Variants in WHRN observed in about 807,000 individuals in gnomAD.
WHRN encodes the protein whirlin, also known as CASK-interacting protein CIP98.
In WHRN, 41 loss-of-function variants were observed where a neutral mutation model predicts 68.3. That is an observed-to-expected ratio of 0.60 (90% CI 0.47 to 0.78). The LOEUF (loss-of-function observed/expected upper bound fraction) is 0.78. Ranked by LOEUF, WHRN falls within the 30% of genes least tolerant of loss-of-function variation. WHRN has a pLI of 0.00. For synonymous variants in WHRN, 560 were observed against 561.3 expected (o/e 1.00, Z 0.03); for missense variants, 1,243 against 1,244.7 (o/e 1.00, Z 0.02).
intron 7 of WHRN, among the ~76,000 whole-genome samples, chr9:114,417,457 G>A (rs758304011): frequency 4.6e-5 from 7 of 152,214 alleles, no homozygotes; most frequent in Non-Finnish European, 5.9e-5. Context: ...GCAAGTGGCC[G>A]GGGAGTGTGT....
chr9:114,450,596 A>G (rs1839234457), intron 3 of WHRN, among the ~76,000 whole-genome samples: 1 of 152,174 alleles, frequency 6.6e-6, no homozygotes, highest in Non-Finnish European at 1.5e-5. Flanking sequence ...AAGCTAATTA[A>G]AAAAATACTT....
chr9:114,444,914 C>G (rs537131211), intron 3 of WHRN, among the ~76,000 whole-genome samples: 36 of 152,068 alleles, frequency 2.4e-4, no homozygotes, highest in Non-Finnish European at 4.7e-4. Flanking sequence ...TATTATATTC[C>G]ATGTAGACAT....
chr9:114,410,309 ACT>A (rs1564120339), intron 7 of WHRN, among the ~76,000 whole-genome samples: 3 of 152,076 alleles, frequency 2.0e-5, no homozygotes, highest in Non-Finnish European at 2.9e-5. Context: ...CTCGGTCCTC[ACT>A]CTCTCCTCAC....
chr9:114,438,867 A>T (rs1314103101), intron 3 of WHRN, among the ~76,000 whole-genome samples: 2 of 152,200 alleles, frequency 1.3e-5, no homozygotes, highest in East Asian at 3.8e-4. Context: ...ACTGAAAATA[A>T]CCTAAATGTC....
rs755306017 is a variant in WHRN, at chr9:114,402,783, G to C, written c.2695C>G (p.Leu899Val). The C allele has an allele frequency of 1.7e-5, 27 of 1,614,062 alleles. 1 individual carries two copies. The South Asian group carries it at 2.3e-4, about 14-fold the overall frequency. Residue 899 changes from leucine to valine, a missense_variant, in exon 12 of 12, where the codon CTG becomes GTG. Transcript: ENST00000362057. ...AGCATCACATTGAACTCAGTGACCAGAAAGTCAATGTAGTCACGGTCCTTA... is the reference window on the plus strand; with the variant it reads ...AGCATCACATTGAACTCAGTGACCACAAAGTCAATGTAGTCACGGTCCTTA... ...KTKDRDYIDF[L>V]VTEFNVML is the part of the protein sequence containing the mutation.
Position 114,404,114 on chromosome 9 carries a change from T to G in WHRN, c.2237-37A>C, listed in dbSNP as rs748193112. ...AAAAGGAAGAGAGAAGCAGCTTATATAGCTGGGGTCAGGGAGGGCTGCCTG... is the reference window on the plus strand; with the variant it reads ...AAAAGGAAGAGAGAAGCAGCTTATAGAGCTGGGGTCAGGGAGGGCTGCCTG... On this transcript the variant is annotated intron_variant, in intron 9 of 11. Coordinates refer to ENST00000362057, the MANE Select transcript of WHRN (RefSeq NM_015404.4). 39 of 1,601,210 alleles carry G rather than the reference T, an allele frequency of 2.4e-5. No individual in the cohort carries two copies. In the South Asian group the frequency reaches 4.2e-4, roughly 17 times the overall value.
In WHRN at chr9:114,423,488, G is replaced by A; in HGVS notation, c.1452C>T (p.Ser484=). ...SLLSEVRGTI[S]PQDLERFDHL... Reference sequence around the variant, plus strand: ...GGTCGAAGCGTTCTAGGTCTTGCGGGGAAATGGTGCCTCTCACCTCAGAGA... The same window carrying A: ...GGTCGAAGCGTTCTAGGTCTTGCGGAGAAATGGTGCCTCTCACCTCAGAGA... The change falls in exon 7 of 12, where the codon TCC becomes TCT. Residue 484 remains serine (S), a synonymous_variant. Coordinates refer to ENST00000362057, the MANE Select transcript of WHRN (RefSeq NM_015404.4). The A allele has an allele frequency of 6.2e-7, 1 of 1,612,184 alleles. No homozygotes were observed. The highest frequency in any genetic ancestry group is 1.1e-5 in the South Asian group (1 of 91,038).
At chr9:114,410,121 C>T (rs897727549) in intron 7 of WHRN, among the ~76,000 whole-genome samples, 9 of 152,170 alleles carry the variant, frequency 5.9e-5, no homozygotes, top group Non-Finnish European at 8.8e-5. Context: ...CAGACCTCAG[C>T]GAGGCCCTCC....
intron 3 of WHRN, among the ~76,000 whole-genome samples, chr9:114,464,103 T>C (rs1840464015): frequency 6.6e-6 from 1 of 152,288 alleles, no homozygotes; most frequent in East Asian, 1.9e-4. Context: ...ACACCTACTA[T>C]GCACCCACAA....
chr9:114,497,478 G>C (rs1843555865), intron 1 of WHRN, among the ~76,000 whole-genome samples: 1 of 151,482 alleles, frequency 6.6e-6, no homozygotes, highest in African/African-American at 2.4e-5. Flanking sequence ...CAAAATGCTG[G>C]GTTTCTAGAA....
chr9:114,481,753 T>C (rs1842108666), intron 1 of WHRN, among the ~76,000 whole-genome samples: 1 of 152,200 alleles, frequency 6.6e-6, no homozygotes, highest in Non-Finnish European at 1.5e-5. Context: ...ACGCCTACTG[T>C]GTGCCAAGCC....
At chr9:114,486,423 A>G (rs1564215967) in intron 1 of WHRN, among the ~76,000 whole-genome samples, 1 of 152,202 alleles carries the variant, frequency 6.6e-6, no homozygotes, top group Non-Finnish European at 1.5e-5. Flanking sequence ...TTAAGACTAC[A>G]AGACAAGTTC....
chr9:114,479,788 C>T (rs969527599), intron 1 of WHRN, among the ~76,000 whole-genome samples: 9 of 152,184 alleles, frequency 5.9e-5, no homozygotes, highest in Non-Finnish European at 7.3e-5. Context: ...CTCAGCCGGG[C>T]GTGGTGGCTC....
chr9:114,470,727 C>T (rs74855562), intron 2 of WHRN, among the ~76,000 whole-genome samples: 1 of 152,144 alleles, frequency 6.6e-6, no homozygotes, highest in Non-Finnish European at 1.5e-5. Context: ...CATGCTGCAC[C>T]TTAAGGCCTT....
rs141807746 is a variant in WHRN, at chr9:114,423,485, C to G, written c.1455G>C (p.Pro485=). ...LLSEVRGTIS[P]QDLERFDHLV... ...GGTGGTCGAAGCGTTCTAGGTCTTG[C>G]GGGGAAATGGTGCCTCTCACCTCAG... Residue 485 remains proline (P), a synonymous_variant, in exon 7 of 12, where the codon CCG becomes CCC. Coordinates refer to ENST00000362057, the MANE Select transcript of WHRN (RefSeq NM_015404.4). 2.5e-6 allele frequency: 4 copies of G among 1,612,276 alleles called. No individual in the cohort carries two copies. Among genetic ancestry groups the G allele is most frequent in the Non-Finnish European group, 3.4e-6 (4 of 1,178,508 alleles).
chr9:114,419,771 T>A (rs1836117552), intron 7 of WHRN, among the ~76,000 whole-genome samples: 1 of 152,048 alleles, frequency 6.6e-6, no homozygotes, highest in East Asian at 1.9e-4. Context: ...ATTTTACAGA[T>A]CCTAAAACTG....
At chr9:114,491,725 C>A (rs769223812) in intron 1 of WHRN, 1 of 266,742 alleles carries the variant, frequency 3.7e-6, no homozygotes, top group Admixed American at 4.0e-5. Context: ...AAACGAGAAG[C>A]AGCAGGAACC....
chr9:114,425,900 T>C, intron 4 of WHRN: 1 of 433,716 alleles, frequency 2.3e-6, no homozygotes, highest in Admixed American at 3.5e-5. Context: ...TCTGCACAGA[T>C]CTGGGATGAG....
chr9:114,443,192 G>A (rs1056775974), intron 3 of WHRN, among the ~76,000 whole-genome samples: 2 of 152,178 alleles, frequency 1.3e-5, no homozygotes, highest in African/African-American at 4.8e-5. Flanking sequence ...AGCTATAATA[G>A]GTGTTGGCAA....
Sources: gnomAD v4.1 joint callset for allele counts (sites outside exome capture counted in the v4.1 genomes callset) on GRCh38, gnomAD v4.1.1 for gene constraint, MANE v1.5 for transcripts, NCBI Gene and HGNC (gene_info 2026-07-23, HGNC 2026-07-21) for gene names.